TMPRSS11F: variants seen among roughly 807,000 people sequenced by gnomAD.
TMPRSS11F encodes the protein transmembrane serine protease 11F.
A neutral mutation model predicts 60.2 loss-of-function variants in TMPRSS11F; 47 were observed. The ratio of observed to expected loss-of-function variants is 0.78; its 90% CI spans 0.62 to 1.00. The LOEUF is 1.00. TMPRSS11F is among the 50% of genes least tolerant of loss of function. TMPRSS11F has a pLI of 0.00. For synonymous variants in TMPRSS11F, 166 were observed against 167.3 expected, an observed-to-expected ratio of 0.99 and a Z score of 0.06; for missense variants, 519 against 522.9, an observed-to-expected ratio of 0.99 and a Z score of 0.07.
intron 2 of TMPRSS11F, 24 bp from the exon 3 acceptor site, chr4:68,090,665 T>A (rs372482940): frequency 6.3e-7 from 1 of 1,580,638 alleles, no homozygotes; most frequent in African/African-American, 1.4e-5. Context: ...CAAACAAAAG[T>A]CTCATGGTTA....
Position 68,115,262 on chromosome 4 carries a change from C to A in TMPRSS11F, c.11+14548G>T, listed in dbSNP as rs537670946. On this transcript the variant is annotated intron_variant, in intron 1 of 9. Coordinates refer to ENST00000356291, the MANE Select transcript of TMPRSS11F (RefSeq NM_207407.2). Reference sequence around the variant, plus strand: ...GTCCCAGCTACTCAGGAGGCTGAGGCAGGAGAATGGTGTGAACCCAGGAGG... The same window carrying A: ...GTCCCAGCTACTCAGGAGGCTGAGGAAGGAGAATGGTGTGAACCCAGGAGG... 6.5e-3 allele frequency among the ~76,000 whole-genome samples: 949 copies of A among 145,598 alleles called. 7 individuals carry two copies. Among genetic ancestry groups the A allele is most frequent in the Non-Finnish European group, 0.011 (706 of 67,186 alleles).
At chr4:68,110,448 C>G (rs978457909) in intron 1 of TMPRSS11F, among the ~76,000 whole-genome samples, 2 of 152,070 alleles carry the variant, frequency 1.3e-5, no homozygotes, top group African/African-American at 4.8e-5. Flanking sequence ...TTATGATCTG[C>G]TCTATAGGCA....
chr4:68,069,916 T>C, intron 6 of TMPRSS11F, 53 bp downstream of exon 6: 2 of 1,446,648 alleles, frequency 1.4e-6, no homozygotes, highest in Non-Finnish European at 1.9e-6. Flanking sequence ...TATAACTTTT[T>C]TCATGATCTT....
At chr4:68,067,422 G>A (rs966401238) in intron 7 of TMPRSS11F, among the ~76,000 whole-genome samples, 3 of 152,200 alleles carry the variant, frequency 2.0e-5, no homozygotes, top group Non-Finnish European at 2.9e-5. Flanking sequence ...GCTGAAACAA[G>A]TATTTCAATC....
intron 1 of TMPRSS11F, among the ~76,000 whole-genome samples, chr4:68,108,686 T>G (rs1439044910): frequency 6.6e-6 from 1 of 152,200 alleles, no homozygotes; most frequent in South Asian, 2.1e-4. Flanking sequence ...TGGGTAGGCT[T>G]TGACTTGTAA....
At chr4:68,082,673 G>C (rs548553590) in intron 3 of TMPRSS11F, among the ~76,000 whole-genome samples, 1 of 152,364 alleles carries the variant, frequency 6.6e-6, no homozygotes, top group East Asian at 1.9e-4. Context: ...TAAAGCTGCA[G>C]GCTCAATCTC....
intron 3 of TMPRSS11F, among the ~76,000 whole-genome samples, chr4:68,082,144 G>T (rs1309052105): frequency 6.6e-6 from 1 of 152,148 alleles, no homozygotes; most frequent in African/African-American, 2.4e-5. Context: ...GGTCTTGCTG[G>T]ATGTTAGGAC....
At chr4:68,104,655 C>T (rs1724263765) in intron 1 of TMPRSS11F, among the ~76,000 whole-genome samples, 1 of 152,140 alleles carries the variant, frequency 6.6e-6, no homozygotes, top group Non-Finnish European at 1.5e-5. Flanking sequence ...TCAGGTATTT[C>T]TTCATAGCAG....
intron 3 of TMPRSS11F, 56 bp downstream of exon 3, chr4:68,090,467 T>A (rs1723902292): frequency 6.6e-7 from 1 of 1,520,736 alleles, no homozygotes; most frequent in African/African-American, 1.4e-5. Flanking sequence ...AACACCCACA[T>A]TCAAAGTGAT....
chr4:68,089,971 T>C (rs1723890357), intron 3 of TMPRSS11F, among the ~76,000 whole-genome samples: 1 of 152,132 alleles, frequency 6.6e-6, no homozygotes, highest in Admixed American at 6.6e-5. Flanking sequence ...TGGAAGACTA[T>C]TCTCTTTGCC....
At chr4:68,059,153 A>G (rs1426587497) in intron 9 of TMPRSS11F, among the ~76,000 whole-genome samples, 173 bp downstream of exon 9, 1 of 152,114 alleles carries the variant, frequency 6.6e-6, no homozygotes, top group Non-Finnish European at 1.5e-5. Flanking sequence ...TTTTTGGCTT[A>G]GCGTATATTA....
intron 2 of TMPRSS11F, among the ~76,000 whole-genome samples, chr4:68,095,286 A>T (rs752785288): frequency 3.3e-5 from 5 of 152,012 alleles, no homozygotes; most frequent in Admixed American, 6.6e-5. Flanking sequence ...CTGACAATGA[A>T]TATATATATC....
At chr4:68,064,191 T>TG (rs1723271768) in intron 8 of TMPRSS11F, among the ~76,000 whole-genome samples, 1 of 137,906 alleles carries the variant, frequency 7.3e-6, no homozygotes, top group African/African-American at 3.1e-5. Context: ...TTTTTTTTCT[T>TG]TTTTTTTTTT....
chr4:68,083,363 A>G (rs911251035), intron 3 of TMPRSS11F, among the ~76,000 whole-genome samples: 4 of 152,172 alleles, frequency 2.6e-5, no homozygotes, highest in Non-Finnish European at 5.9e-5. Flanking sequence ...TAAGAGCATC[A>G]TCTCTCTTCA....
At chr4:68,084,891 C>G (rs1484826267) in intron 3 of TMPRSS11F, among the ~76,000 whole-genome samples, 6 of 126,552 alleles carry the variant, frequency 4.7e-5, no homozygotes, top group Non-Finnish European at 1.0e-4. Context: ...CCCCTCCCCC[C>G]ACCCCACCAC....
intron 1 of TMPRSS11F, among the ~76,000 whole-genome samples, chr4:68,115,173 C>A (rs1413167965): frequency 6.6e-6 from 1 of 150,664 alleles, no homozygotes; most frequent in Non-Finnish European, 1.5e-5. Flanking sequence ...TACGGTGAAA[C>A]CTCGTCTTTA....
At chr4:68,102,988 T>TG (rs1467604407) in intron 1 of TMPRSS11F, among the ~76,000 whole-genome samples, 3 of 151,434 alleles carry the variant, frequency 2.0e-5, no homozygotes, top group South Asian at 2.1e-4. Flanking sequence ...TGAGTTGTTT[T>TG]TTTTTTTTTT....
At chr4:68,127,146 C>G (rs1724727367) in intron 1 of TMPRSS11F, among the ~76,000 whole-genome samples, 1 of 152,162 alleles carries the variant, frequency 6.6e-6, no homozygotes, top group Non-Finnish European at 1.5e-5. Flanking sequence ...ATCACTTCAG[C>G]TTTATCTGAC....
intron 1 of TMPRSS11F, among the ~76,000 whole-genome samples, chr4:68,123,959 G>A (rs1724668338): frequency 6.6e-6 from 1 of 152,130 alleles, no homozygotes; most frequent in African/African-American, 2.4e-5. Context: ...GGTGGCTCAT[G>A]CCTGTAATCC....
Sources: allele counts gnomAD v4.1 joint callset (sites outside exome capture counted in the v4.1 genomes callset), GRCh38; gene constraint gnomAD v4.1.1; transcripts MANE v1.5; gene names NCBI Gene and HGNC (gene_info 2026-07-23, HGNC 2026-07-21).